Variants in PARP8 observed in about 807,000 individuals in gnomAD.
The protein encoded by PARP8 is poly(ADP-ribose) polymerase family member 8.
In PARP8, 51 loss-of-function variants were observed where a neutral mutation model predicts 124.1. That is an observed-to-expected ratio of 0.41 (90% CI 0.33 to 0.52). The LOEUF (loss-of-function observed/expected upper bound fraction) is 0.52. Among genes scored for constraint, PARP8 ranks in the 20% least tolerant of loss-of-function variants. PARP8 has a pLI of 0.21. For synonymous variants in PARP8, 391 were observed against 361.5 expected, an observed-to-expected ratio of 1.08 and a Z score of -0.93; for missense variants, 860 against 1,018.9, an observed-to-expected ratio of 0.84 and a Z score of 2.12.
chr5:50,706,249 G>A (rs764889813), intron 2 of PARP8, among the ~76,000 whole-genome samples: 1 of 151,536 alleles, frequency 6.6e-6, no homozygotes, highest in African/African-American at 2.4e-5. Flanking sequence ...TTGAAAGTTT[G>A]GAATTTTATT....
At chr5:50,718,427 ATATG>A (rs951863108) in intron 2 of PARP8, among the ~76,000 whole-genome samples, 1 of 151,824 alleles carries the variant, frequency 6.6e-6, no homozygotes, top group African/African-American at 2.4e-5. Flanking sequence ...ATATGTACAC[ATATG>A]TGTGTGTATG....
At chr5:50,719,248 T>A (rs1382871897) in intron 2 of PARP8, among the ~76,000 whole-genome samples, 1 of 152,068 alleles carries the variant, frequency 6.6e-6, no homozygotes, top group Non-Finnish European at 1.5e-5. Context: ...AATATTTTCT[T>A]GCAAATATTT....
chr5:50,728,664 TA>T (rs1358467983), intron 2 of PARP8, among the ~76,000 whole-genome samples: 6 of 152,008 alleles, frequency 3.9e-5, no homozygotes, highest in Non-Finnish European at 7.4e-5. Context: ...TTGAGACCAC[TA>T]TTAGAAATAT....
At chr5:50,680,009 G>A (rs1216265730) in intron 2 of PARP8, among the ~76,000 whole-genome samples, 1 of 152,122 alleles carries the variant, frequency 6.6e-6, no homozygotes, top group Non-Finnish European at 1.5e-5. Context: ...AGAAAAAGGT[G>A]GCTGGAACAA....
At position 50,778,621 on chromosome 5, in the gene PARP8, G is replaced by C; in HGVS notation, c.641G>C (p.Cys214Ser). ...RTEPIIVRLH[C>S]SLTQYLNGPV... The stretch of plus-strand genomic sequence containing the variant: ...GAACCTATAATTGTTCGACTACACT[G>C]TTCACTTACACAGTATTTAAATGGC... Residue 214 changes from cysteine (C) to serine (S), a missense_variant, in exon 9 of 26, where the codon TGT becomes TCT. By Grantham distance (112) the Cys-to-Ser change is moderately radical. Transcript: ENST00000281631. The C allele has an allele frequency of 1.2e-6, 2 of 1,606,802 alleles. No individual in the cohort carries two copies. The highest frequency in any genetic ancestry group is 1.7e-6 in the Non-Finnish European group (2 of 1,177,072).
intron 7 of PARP8, among the ~76,000 whole-genome samples, chr5:50,765,380 T>C (rs1302879083): frequency 6.6e-6 from 1 of 152,246 alleles, no homozygotes; most frequent in Non-Finnish European, 1.5e-5. Context: ...CCCAGTCATA[T>C]TGCCATGTAT....
intron 3 of PARP8, among the ~76,000 whole-genome samples, chr5:50,755,863 G>A (rs1324509794): frequency 2.6e-5 from 4 of 152,158 alleles, no homozygotes; most frequent in East Asian, 1.9e-4. Flanking sequence ...TTGTTCAGCA[G>A]TGGTTTGTAG....
intron 2 of PARP8, among the ~76,000 whole-genome samples, chr5:50,736,624 A>G (rs1757503858): frequency 6.6e-6 from 1 of 152,224 alleles, no homozygotes; most frequent in African/African-American, 2.4e-5. Flanking sequence ...ACTGAGATAC[A>G]TATTCTTTAG....
chr5:50,734,410 T>C (rs966202174), intron 2 of PARP8, among the ~76,000 whole-genome samples: 4 of 152,156 alleles, frequency 2.6e-5, no homozygotes, highest in Non-Finnish European at 2.9e-5. Flanking sequence ...TTGGGCTGTC[T>C]CTGGAGAACT....
chr5:50,715,496 GTA>G (rs200728063), intron 2 of PARP8, among the ~76,000 whole-genome samples: 2,223 of 151,630 alleles, frequency 0.015, 56 homozygotes, highest in African/African-American at 0.052. Flanking sequence ...GAGTGTCATG[GTA>G]TTCATGAGGA....
intron 2 of PARP8, among the ~76,000 whole-genome samples, chr5:50,685,464 G>C (rs1399240612): frequency 6.6e-6 from 1 of 152,188 alleles, no homozygotes; most frequent in Non-Finnish European, 1.5e-5. Context: ...TCCAGAGGGG[G>C]AACATCCTTT....
At position 50,667,766 on chromosome 5, in the gene PARP8, C is replaced by G. The variant is rs934605607; in HGVS notation, c.92-305C>G. The G allele has an allele frequency of 4.0e-5, 30 of 752,554 alleles. No individual in the cohort carries two copies. The Admixed American group carries it at 6.0e-4, about 15-fold the overall frequency. 46.6% of individuals were successfully genotyped at this position (752,554 alleles called of 1,614,324 possible). On this transcript the variant is annotated intron_variant, in intron 1 of 25. Transcript: ENST00000281631. ...GGGGTCGCCTTTCGTCCATTTTGCT[C>G]CCCCGGGATTTTGCTTTCGCTACCG...
chr5:50,808,219 A>G (rs1452924703), intron 14 of PARP8, among the ~76,000 whole-genome samples: 1 of 151,572 alleles, frequency 6.6e-6, no homozygotes, highest in Non-Finnish European at 1.5e-5. Flanking sequence ...CCCTTTTCCA[A>G]AAGGGATTTT....
intron 10 of PARP8, among the ~76,000 whole-genome samples, chr5:50,788,912 T>TA (rs1318456201): frequency 6.6e-6 from 1 of 151,854 alleles, no homozygotes; most frequent in African/African-American, 2.4e-5. Context: ...GGAAGGAGAG[T>TA]AAGATGGAAG....
rs776055837 is a variant in PARP8, at chr5:50,795,135, T to C, written c.1146T>C (p.His382=). 4 of 1,614,206 alleles carry C rather than the reference T, an allele frequency of 2.5e-6. No individual in the cohort carries two copies. Among genetic ancestry groups the C allele is most frequent in the Non-Finnish European group, 3.4e-6 (4 of 1,180,028 alleles). The change falls in exon 12 of 26, where the codon CAT becomes CAC. Residue 382 remains histidine (H), a synonymous_variant. Coordinates refer to ENST00000281631, the MANE Select transcript of PARP8 (RefSeq NM_024615.4). ...KSEECLTLKS[H]RLLTRSCSGD... The stretch of plus-strand genomic sequence containing the variant: ...AGGAATGCCTAACTCTAAAGTCGCA[T>C]AGACTATTGACTCGATCTTGTTCTG...
chr5:50,766,473 T>C (rs375509114), intron 7 of PARP8, among the ~76,000 whole-genome samples: 3 of 152,326 alleles, frequency 2.0e-5, no homozygotes, highest in African/African-American at 7.2e-5. Context: ...GATCAGAAAA[T>C]TCATATTTGT....
chr5:50,747,154 G>GTTTTTTTTTTTTT (rs370243477), intron 2 of PARP8, among the ~76,000 whole-genome samples: 30 of 121,898 alleles, frequency 2.5e-4, no homozygotes, highest in African/African-American at 8.2e-4. Context: ...TTTTTTGTTT[G>GTTTTTTTTTTTTT]TTTGTTTTGT....
At chr5:50,720,608 T>C (rs1755776701) in intron 2 of PARP8, among the ~76,000 whole-genome samples, 4 of 151,982 alleles carry the variant, frequency 2.6e-5, no homozygotes, top group Admixed American at 2.6e-4. Flanking sequence ...AACTTAATTA[T>C]ATCATAATTC....
At chr5:50,703,584 C>T (rs765531960) in intron 2 of PARP8, among the ~76,000 whole-genome samples, 12 of 152,100 alleles carry the variant, frequency 7.9e-5, no homozygotes, top group Non-Finnish European at 1.5e-4. Flanking sequence ...CCTCTATTCT[C>T]GCTTGGGAGA....
Sources: gnomAD v4.1 joint callset for allele counts (sites outside exome capture counted in the v4.1 genomes callset) on GRCh38, gnomAD v4.1.1 for gene constraint, MANE v1.5 for transcripts, NCBI Gene and HGNC (gene_info 2026-07-23, HGNC 2026-07-21) for gene names.